TNK2: variants seen among roughly 807,000 people sequenced by gnomAD.
TNK2 encodes the protein tyrosine kinase non receptor 2, also known as activated CDC42 kinase 1.
TNK2 carries 83 observed loss-of-function variants against 101.8 expected under a neutral mutation model. That is an observed-to-expected ratio of 0.82 (90% CI 0.68 to 0.98). The LOEUF (loss-of-function observed/expected upper bound fraction) is 0.98, where lower values mean the gene tolerates loss of function less well. Among genes scored for constraint, TNK2 ranks in the 50% least tolerant of loss-of-function variants. The pLI is 0.00. For missense variants in TNK2, 1,665 were observed against 1,483.2 expected (o/e 1.12, Z -2.01); for synonymous variants, 804 against 633.0 (o/e 1.27, Z -4.06).
At position 195,885,361 on chromosome 3, in the gene TNK2, C is replaced by A; in HGVS notation, c.235-328G>T. The A allele has an allele frequency of 7.3e-7, 1 of 1,368,418 alleles. No homozygotes were observed. The highest frequency in any genetic ancestry group is 1.4e-5 in the South Asian group (1 of 73,348). 84.8% of individuals were successfully genotyped at this position (1,368,418 alleles called of 1,614,324 possible). On this transcript the variant is annotated intron_variant, in intron 3 of 15. Coordinates refer to ENST00000672887, the MANE Select transcript of TNK2 (RefSeq NM_001382273.1). The surrounding 1 kb of genome is among the most constrained non-coding windows in gnomAD (Gnocchi z 4.7). Reference sequence around the variant, plus strand: ...CCAAGGTCGGAGTCTCCTCCCAGTCCTGCCCCACCCTCCCTTCCTGCACCC... The same window carrying A: ...CCAAGGTCGGAGTCTCCTCCCAGTCATGCCCCACCCTCCCTTCCTGCACCC...
rs778397434 is a variant in TNK2 at position 195,867,913 on chromosome 3, C to G, written c.2385G>C (p.Pro795=). ...AGCCTTGAGGGGACAGGGGCTCCCGCGGAGGCACCCGGGGAGGGGAAGCAG... is the reference window on the plus strand; with the variant it reads ...AGCCTTGAGGGGACAGGGGCTCCCGGGGAGGCACCCGGGGAGGGGAAGCAG... ...PGPASPPRVP[P]REPLSPQGSR... Residue 795 remains proline (P), a synonymous_variant, in exon 13 of 16, where the codon CCG becomes CCC. Coordinates refer to ENST00000672887, the MANE Select transcript of TNK2 (RefSeq NM_001382273.1). 1.1e-4 allele frequency: 161 copies of G among 1,529,582 alleles called. No individual in the cohort carries two copies. The highest frequency in any genetic ancestry group is 1.0e-3 in the Middle Eastern group (6 of 5,750). 94.8% of individuals were successfully genotyped at this position (1,529,582 alleles called of 1,614,324 possible).
intron 15 of TNK2, among the ~76,000 whole-genome samples, 178 bp downstream of exon 15, chr3:195,866,711 A>G (rs933318214): frequency 1.3e-5 from 2 of 152,260 alleles, no homozygotes; most frequent in African/African-American, 4.8e-5. Context: ...ATGTCCAAAT[A>G]AACACATTTA....
intron 10 of TNK2, among the ~76,000 whole-genome samples, chr3:195,871,054 G>T (rs1016355370): frequency 7.5e-6 from 1 of 132,960 alleles, no homozygotes; most frequent in African/African-American, 2.9e-5. Context: ...TGTGGGGCCC[G>T]GTGGGTGAAG....
intron 1 of TNK2, among the ~76,000 whole-genome samples, chr3:195,889,019 G>A (rs1452600480): frequency 1.3e-5 from 2 of 152,024 alleles, no homozygotes; most frequent in Non-Finnish European, 2.9e-5. Context: ...AAATCTCTAG[G>A]GTGCAATGTG....
intron 15 of TNK2, among the ~76,000 whole-genome samples, chr3:195,865,920 A>G (rs1236819315): frequency 6.6e-6 from 1 of 152,168 alleles, no homozygotes; most frequent in East Asian, 1.9e-4. Flanking sequence ...ATATGTGGAG[A>G]AACTCCGCAC....
At chr3:195,899,621 C>A (rs1001641638) in intron 1 of TNK2, among the ~76,000 whole-genome samples, 2 of 152,222 alleles carry the variant, frequency 1.3e-5, no homozygotes, top group South Asian at 4.1e-4. Flanking sequence ...TGAGCCACTG[C>A]GCCCGGCCAA....
At chr3:195,869,956 C>A (rs1743831551) in intron 11 of TNK2, 158 bp downstream of exon 11, 1 of 625,036 alleles carries the variant, frequency 1.6e-6, no homozygotes, top group Non-Finnish European at 2.8e-6. Flanking sequence ...TCTTCCACCC[C>A]ACGCCCAGCC....
chr3:195,867,921 C>T lies in TNK2; in HGVS notation c.2377G>A (p.Val793Met). 2 of 1,534,118 alleles carry T rather than the reference C, an allele frequency of 1.3e-6. No individual in the cohort carries two copies. The highest frequency in any genetic ancestry group is 1.2e-5 in the South Asian group (1 of 80,656). Residue 793 changes from valine to methionine, a missense_variant, in exon 13 of 16, where the codon GTG (valine) becomes ATG (methionine). Physicochemically the swap from Val to Met is conservative, Grantham distance 21 (BLOSUM62 1). Coordinates refer to ENST00000672887, the MANE Select transcript of TNK2 (RefSeq NM_001382273.1). ...QWPGPASPPR[V>M]PPREPLSPQG... ...GGGGACAGGGGCTCCCGCGGAGGCA[C>T]CCGGGGAGGGGAAGCAGGTCCAGGC...
intron 1 of TNK2, among the ~76,000 whole-genome samples, chr3:195,906,886 C>CG (rs1393052243): frequency 6.6e-6 from 1 of 152,100 alleles, no homozygotes; most frequent in Non-Finnish European, 1.5e-5. Context: ...TAACATCTGC[C>CG]GGGGCTCCGG....
intron 2 of TNK2, among the ~76,000 whole-genome samples, chr3:195,887,842 GT>G (rs1232155329): frequency 2.8e-5 from 4 of 142,940 alleles, no homozygotes; most frequent in African/African-American, 1.0e-4. Flanking sequence ...ACACGTGTGT[GT>G]GTGTGTGCGT....
At chr3:195,907,830 T>A (rs1022470445) in intron 1 of TNK2, among the ~76,000 whole-genome samples, 12 of 152,156 alleles carry the variant, frequency 7.9e-5, no homozygotes, top group African/African-American at 2.9e-4. Context: ...AAGTGCACCC[T>A]CCTCTCCCGC....
intron 9 of TNK2, among the ~76,000 whole-genome samples, chr3:195,873,544 G>T (rs1362898298): frequency 6.6e-6 from 1 of 152,104 alleles, no homozygotes; most frequent in African/African-American, 2.4e-5. Flanking sequence ...GCACGCGGGG[G>T]CGGTGACAGC....
At chr3:195,892,560 G>A in intron 1 of TNK2, 2 of 1,498,302 alleles carry the variant, frequency 1.3e-6, no homozygotes, top group East Asian at 2.5e-5. Context: ...TTCGCACTCT[G>A]CCCAGGAGCC....
Position 195,868,502 on chromosome 3 carries a change from G to T in TNK2, c.1796C>A (p.Pro599His). ...GEEPVVPALR[P>H]CAPSLAQLAM... ...CAGCTGCGCCAGGGAGGGCGCGCAG[G>T]GCCGTAGGGCCGGGACCACGGGCTC... The change falls in exon 13 of 16, where the codon CCC becomes CAC. Residue 599 changes from proline to histidine, a missense_variant. By Grantham distance (77) the Pro-to-His change is moderately conservative. This residue lies in a region of TNK2 where 1,136 missense variants were observed against 894.9 expected (regional missense o/e 1.27). Transcript: ENST00000672887. The T allele has an allele frequency of 1.3e-6, 2 of 1,550,378 alleles. No homozygotes were observed. Among genetic ancestry groups the T allele is most frequent in the East Asian group, 2.3e-5 (1 of 42,734 alleles).
Position 195,881,695 on chromosome 3 carries a change from C to G in TNK2, c.887+356G>C, listed in dbSNP as rs546991223. On this transcript the variant is annotated intron_variant, in intron 6 of 15. Coordinates refer to ENST00000672887, the MANE Select transcript of TNK2 (RefSeq NM_001382273.1). The stretch of plus-strand genomic sequence containing the variant: ...AGCATTTATCCCTATAACACCCCCC[C>G]GCCAGCAATGCCCCTTGGAGAGGAC... 5.5e-5 allele frequency among the ~76,000 whole-genome samples: 7 copies of G among 126,458 alleles called. No individual in the cohort carries two copies. The South Asian group carries it at 1.7e-3, about 31-fold the overall frequency. The allele number at this position is 126,458 out of a possible 152,430, so 83.0% of individuals were successfully genotyped here.
chr3:195,895,967 C>CGCCCCCGCCCCGAG (rs1237437674), intron 1 of TNK2: 1 of 240,020 alleles, frequency 4.2e-6, no homozygotes. Flanking sequence ...GCGCAGGCCA[C>CGCCCCCGCCCCGAG]GCCCCCGCCC....
Position 195,885,587 on chromosome 3 carries a change from A to AGT in TNK2, c.235-556_235-555dup, listed in dbSNP as rs1256585225. 5 of 1,289,490 alleles carry AGT rather than the reference A, an allele frequency of 3.9e-6. No individual in the cohort carries two copies. The highest frequency in any genetic ancestry group is 1.5e-5 in the African/African-American group (1 of 65,806). 79.9% of individuals were successfully genotyped at this position (1,289,490 alleles called of 1,614,324 possible). On this transcript the variant is annotated intron_variant, in intron 3 of 15. Transcript: ENST00000672887. This position sits in a 1 kb window ranked among gnomAD's most constrained non-coding sequence, Gnocchi z 4.7. ...AATTTTAGTCTGAGGTTGAACCGTG[A>AGT]GTGTGTGTGTGGTTCAGATGAAGCT... is the stretch of plus-strand genomic sequence containing the variant.
intron 4 of TNK2, chr3:195,884,347 T>A (rs1754648246): frequency 6.5e-6 from 1 of 153,460 alleles, no homozygotes; most frequent in Non-Finnish European, 1.4e-5. Context: ...TGTGCTTAGT[T>A]AAACCTGAGC....
chr3:195,878,728 G>A lies in TNK2; in HGVS notation c.1015-136C>T. ...TCCAAAGAAGGGATCTGCCTGCCTG[G>A]GAGGGGCCCTCTCCAGAGCCCCAGT... is the stretch of plus-strand genomic sequence containing the variant. On this transcript the variant is annotated intron_variant, in intron 7 of 15. Transcript: ENST00000672887. The surrounding 1 kb of genome is among the most constrained non-coding windows in gnomAD (Gnocchi z 4.7). 7.5e-7 allele frequency: 1 copy of A among 1,329,072 alleles called. No individual in the cohort carries two copies. Among genetic ancestry groups the A allele is most frequent in the Non-Finnish European group, 1.0e-6 (1 of 986,166 alleles). The allele number at this position is 1,329,072 out of a possible 1,614,324, so 82.3% of individuals were successfully genotyped here. A position where few individuals can be genotyped will look rare whatever the true frequency, so the allele number is the denominator to read the frequency against.
Sources: allele counts gnomAD v4.1 joint callset (sites outside exome capture counted in the v4.1 genomes callset), GRCh38; gene constraint gnomAD v4.1.1; regional missense constraint gnomAD v4.1.1; non-coding constraint Gnocchi (gnomAD v3.1); transcripts MANE v1.5; gene names NCBI Gene and HGNC (gene_info 2026-07-23, HGNC 2026-07-21).